SH3PXD2A: variants seen among roughly 807,000 people sequenced by gnomAD.
The protein encoded by SH3PXD2A is SH3 and PX domain-containing protein 2A.
A neutral mutation model predicts 115.2 loss-of-function variants in SH3PXD2A; 32 were observed. The ratio of observed to expected loss-of-function variants is 0.28; its 90% CI spans 0.21 to 0.37. The LOEUF (loss-of-function observed/expected upper bound fraction) is 0.37, where lower values mean the gene tolerates loss of function less well. Ranked by LOEUF, SH3PXD2A falls within the 10% of genes least tolerant of loss-of-function variation. The pLI, the probability that SH3PXD2A is intolerant of heterozygous loss-of-function variation, is 1.00. For synonymous variants in SH3PXD2A, 610 were observed against 629.1 expected (o/e 0.97, Z 0.45); for missense variants, 1,328 against 1,498.7 (o/e 0.89, Z 1.88).
chr10:103,662,593 G>C (rs2037329547), intron 7 of SH3PXD2A, among the ~76,000 whole-genome samples: 1 of 150,634 alleles, frequency 6.6e-6, no homozygotes, highest in African/African-American at 2.5e-5. Flanking sequence ...TAGAGACGGG[G>C]TTTCACCTTG....
chr10:103,798,721 C>A (rs2039118480), intron 2 of SH3PXD2A, among the ~76,000 whole-genome samples: 1 of 152,204 alleles, frequency 6.6e-6, no homozygotes, highest in African/African-American at 2.4e-5. Context: ...AGAGCTGCCC[C>A]TGGGCCACAC....
intron 4 of SH3PXD2A, 128 bp from the exon 5 acceptor site, chr10:103,724,489 C>T (rs771651208): frequency 1.2e-4 from 64 of 547,364 alleles, no homozygotes; most frequent in Non-Finnish European, 1.9e-4. Context: ...ACATGGTCAA[C>T]CAGCCACCCA....
intron 5 of SH3PXD2A, among the ~76,000 whole-genome samples, chr10:103,707,412 G>A (rs748180738): frequency 9.2e-5 from 14 of 152,116 alleles, no homozygotes; most frequent in Non-Finnish European, 1.9e-4. Flanking sequence ...GGGCAGGCTG[G>A]TCTCGAACTC....
chr10:103,626,724 T>G (rs1049651127), intron 9 of SH3PXD2A, among the ~76,000 whole-genome samples: 4 of 147,732 alleles, frequency 2.7e-5, no homozygotes, highest in African/African-American at 5.1e-5. Context: ...CCCAGGAGTT[T>G]GAGACCAGCC....
intron 1 of SH3PXD2A, among the ~76,000 whole-genome samples, chr10:103,805,638 C>T (rs1353062315): frequency 6.6e-6 from 1 of 152,252 alleles, no homozygotes; most frequent in Non-Finnish European, 1.5e-5. Context: ...TGCCTGTAAT[C>T]CCAGCACTTT....
intron 5 of SH3PXD2A, among the ~76,000 whole-genome samples, chr10:103,716,187 G>A (rs1188003868): frequency 2.6e-5 from 4 of 152,110 alleles, no homozygotes; most frequent in South Asian, 2.1e-4. Flanking sequence ...TAACCAGCCC[G>A]GCCCAGTTCC....
In SH3PXD2A at chr10:103,822,085, G is replaced by T. The variant is rs552741980; in HGVS notation, c.73-20723C>A. On this transcript the variant is annotated intron_variant, in intron 1 of 14. Coordinates refer to ENST00000369774, the MANE Select transcript of SH3PXD2A (RefSeq NM_001394015.1). ...TCCCCAGCTAATTTTTGTATTTTTG[G>T]TAAAGACAGGGTTTCACCAGGTCTC... Among the ~76,000 whole-genome samples the T allele has an allele frequency of 2.0e-4, 30 of 151,820 alleles. 2 individuals are homozygous for T. In the South Asian group the frequency reaches 5.8e-3, roughly 30 times the overall value.
chr10:103,847,764 C>T (rs981074340), intron 1 of SH3PXD2A, among the ~76,000 whole-genome samples: 1 of 152,172 alleles, frequency 6.6e-6, no homozygotes, highest in Non-Finnish European at 1.5e-5. Context: ...CATGGCAAAA[C>T]CCCACCTCTA....
intron 1 of SH3PXD2A, among the ~76,000 whole-genome samples, chr10:103,830,414 A>G (rs564447991): frequency 6.6e-6 from 1 of 152,332 alleles, no homozygotes; most frequent in South Asian, 2.1e-4. Context: ...AGGATGTAGG[A>G]GAGCTGGGAA....
At chr10:103,775,147 C>A (rs917667314) in intron 2 of SH3PXD2A, among the ~76,000 whole-genome samples, 2 of 152,142 alleles carry the variant, frequency 1.3e-5, no homozygotes, top group African/African-American at 4.8e-5. Flanking sequence ...TGAGGAAGCA[C>A]GGTGCTAGAA....
At chr10:103,723,764 T>C (rs914735192) in intron 5 of SH3PXD2A, among the ~76,000 whole-genome samples, 23 of 152,264 alleles carry the variant, frequency 1.5e-4, no homozygotes, top group Non-Finnish European at 2.8e-4. Flanking sequence ...CATAAAATGC[T>C]ATACATAAAA....
At chr10:103,792,454 G>T (rs2134253145) in intron 2 of SH3PXD2A, among the ~76,000 whole-genome samples, 1 of 152,246 alleles carries the variant, frequency 6.6e-6, no homozygotes, top group East Asian at 1.9e-4. Flanking sequence ...GCTTCTGAGG[G>T]CCTAATTGGT....
At chr10:103,717,649 T>C (rs2038121444) in intron 5 of SH3PXD2A, among the ~76,000 whole-genome samples, 1 of 152,224 alleles carries the variant, frequency 6.6e-6, no homozygotes, top group South Asian at 2.1e-4. Flanking sequence ...ACAGAGTTCC[T>C]AGCGTTCGTT....
At chr10:103,825,762 A>ATTTTT (rs370142036) in intron 1 of SH3PXD2A, among the ~76,000 whole-genome samples, 4 of 132,422 alleles carry the variant, frequency 3.0e-5, no homozygotes, top group African/African-American at 2.9e-5. Flanking sequence ...TCCGTAACAA[A>ATTTTT]TTTTTTTTTT....
chr10:103,731,223 C>T (rs1484808267), intron 4 of SH3PXD2A, among the ~76,000 whole-genome samples: 2 of 150,996 alleles, frequency 1.3e-5, no homozygotes. Context: ...TGCAGTGGTG[C>T]AACCATGGCT....
At chr10:103,706,939 C>T (rs961344670) in intron 5 of SH3PXD2A, among the ~76,000 whole-genome samples, 17 of 152,226 alleles carry the variant, frequency 1.1e-4, no homozygotes, top group African/African-American at 3.6e-4. Context: ...CCCGCGGCCT[C>T]CTGTGCTCCG....
chr10:103,617,153 A>G lies in SH3PXD2A; in HGVS notation c.920+44T>C, dbSNP rs375275599. ...CCACTTTGCACTCTGCCCAGGGCCC[A>G]GGTGGGCGAGAGGCATCTCGTTCAT... On this transcript the variant is annotated intron_variant, in intron 11 of 14. Transcript: ENST00000369774. 69 of 1,385,048 alleles carry G rather than the reference A, an allele frequency of 5.0e-5. No individual in the cohort carries two copies. In the African/African-American group the frequency reaches 6.9e-4, roughly 14 times the overall value. The allele number at this position is 1,385,048 out of a possible 1,614,324, so 85.8% of individuals were successfully genotyped here. A position where few individuals can be genotyped will look rare whatever the true frequency, so the allele number is the denominator to read the frequency against.
At chr10:103,841,480 G>A (rs981786295) in intron 1 of SH3PXD2A, among the ~76,000 whole-genome samples, 8 of 152,132 alleles carry the variant, frequency 5.3e-5, no homozygotes, top group African/African-American at 1.9e-4. Flanking sequence ...AGGGGGTCAG[G>A]GTCAAACCCC....
chr10:103,703,923 C>T (rs1184710055), intron 5 of SH3PXD2A, among the ~76,000 whole-genome samples: 1 of 152,106 alleles, frequency 6.6e-6, no homozygotes, highest in Non-Finnish European at 1.5e-5. Context: ...CCCAGCTCTG[C>T]CAGACAGATT....
Sources: allele counts gnomAD v4.1 joint callset (sites outside exome capture counted in the v4.1 genomes callset), GRCh38; gene constraint gnomAD v4.1.1; transcripts MANE v1.5; gene names NCBI Gene and HGNC (gene_info 2026-07-23, HGNC 2026-07-21).